WDR93: variants seen among roughly 807,000 people sequenced by gnomAD.
The protein encoded by WDR93 is WD repeat domain 93, also known as WD repeat-containing protein 93.
Under a neutral mutation model 82.9 loss-of-function variants are expected in WDR93, and 73 were observed. The ratio of observed to expected loss-of-function variants is 0.88; its 90% CI spans 0.73 to 1.07. WDR93 has a LOEUF of 1.07. Ranked by LOEUF, WDR93 falls within the 50% of genes least tolerant of loss-of-function variation. The pLI is 0.00. For synonymous variants in WDR93, 283 were observed against 300.1 expected (o/e 0.94, Z 0.59); for missense variants, 738 against 826.0 (o/e 0.89, Z 1.31).
intron 3 of WDR93, chr15:89,704,408 ACT>A (rs1488822560): frequency 2.6e-5 from 4 of 152,114 alleles, no homozygotes; most frequent in African/African-American, 4.8e-5. Flanking sequence ...ATACAAAGAA[ACT>A]CTGTACTATT....
In WDR93 at chr15:89,722,103, T is replaced by G. The variant is rs1966551454; in HGVS notation, c.844T>G (p.Tyr282Asp). ...AGACATTAAATTGAGTCTTCCAGTT[T>G]ACATAATGAAGATCAAACCACCTAA... ...KGDIKLSLPV[Y>D]IMKIKPPKPV... is the part of the protein sequence containing the mutation. The change falls in exon 8 of 17, where the codon TAC (tyrosine) becomes GAC (aspartate). Residue 282 changes from tyrosine to aspartate, a missense_variant. Coordinates refer to ENST00000268130, the MANE Select transcript of WDR93 (RefSeq NM_020212.2). 6.2e-7 allele frequency: 1 copy of G among 1,608,902 alleles called. No individual in the cohort carries two copies. The highest frequency in any genetic ancestry group is 1.3e-5 in the African/African-American group (1 of 74,734).
chr15:89,691,355 G>A (rs1567089128), intron 1 of WDR93, among the ~76,000 whole-genome samples: 1 of 152,210 alleles, frequency 6.6e-6, no homozygotes, highest in Non-Finnish European at 1.5e-5. Flanking sequence ...CATTCGTTCT[G>A]TGCGGCTTGA....
At chr15:89,709,159 G>A (rs769863149) in intron 4 of WDR93, among the ~76,000 whole-genome samples, 41 of 152,206 alleles carry the variant, frequency 2.7e-4, no homozygotes, top group Admixed American at 5.2e-4. Flanking sequence ...GGTCAGCAAT[G>A]AAGAGGAAAA....
At chr15:89,696,960 TTTG>T (rs1965209294) in intron 1 of WDR93, among the ~76,000 whole-genome samples, 1 of 151,554 alleles carries the variant, frequency 6.6e-6, no homozygotes, top group African/African-American at 2.4e-5. Context: ...GTATTGTCAG[TTTG>T]TTTGTTTGTT....
intron 6 of WDR93, 51 bp downstream of exon 6, chr15:89,715,146 C>G (rs769156805): frequency 6.6e-6 from 10 of 1,525,132 alleles, no homozygotes; most frequent in Non-Finnish European, 9.0e-6. Context: ...ACCCCTGACC[C>G]ACATCTAGCC....
At chr15:89,702,887 G>A in intron 2 of WDR93, 63 bp from the exon 3 acceptor site, 2 of 1,530,696 alleles carry the variant, frequency 1.3e-6, no homozygotes, top group South Asian at 2.4e-5. Context: ...TCTCTGAGAA[G>A]CTAACTCATA....
chr15:89,740,285 CAG>C (rs909964184), intron 16 of WDR93, among the ~76,000 whole-genome samples: 12 of 152,154 alleles, frequency 7.9e-5, no homozygotes, highest in African/African-American at 2.9e-4. Context: ...CTGCACTTAA[CAG>C]GGGCGTTCAA....
chr15:89,696,987 G>A (rs1965209988), intron 1 of WDR93, among the ~76,000 whole-genome samples: 1 of 138,292 alleles, frequency 7.2e-6, no homozygotes, highest in African/African-American at 2.7e-5. Context: ...TTGTTTTTTA[G>A]AGACAAAGTC....
In WDR93 at chr15:89,715,064, A is replaced by T; in HGVS notation, c.725A>T (p.Asn242Ile). 6.2e-7 allele frequency: 1 copy of T among 1,614,000 alleles called. No homozygotes were observed. The highest frequency in any genetic ancestry group is 8.5e-7 in the Non-Finnish European group (1 of 1,179,962). ...KKLEHPQLTS[N>I]PKKKVRQPQL... ...CTAGAGCACCCCCAACTCACTTCAA[A>T]TCCAAAGAAAAAAGTCAGACAGCCG... is the stretch of plus-strand genomic sequence containing the variant. Residue 242 changes from asparagine to isoleucine, a missense_variant, in exon 6 of 17, where the codon AAT becomes ATT. Physicochemically the swap from Asn to Ile is moderately radical, Grantham distance 149 (BLOSUM62 -3). Coordinates refer to ENST00000268130, the MANE Select transcript of WDR93 (RefSeq NM_020212.2).
At chr15:89,709,966 C>T (rs1377158661) in intron 4 of WDR93, among the ~76,000 whole-genome samples, 1 of 152,132 alleles carries the variant, frequency 6.6e-6, no homozygotes, top group Non-Finnish European at 1.5e-5. Flanking sequence ...CAAGACCATC[C>T]TGGCTAACAC....
rs1170109589 is a variant in WDR93, at chr15:89,712,396, C to CTTTTTTTTTTT, written c.640+305_640+315dup. 2.9e-4 allele frequency among the ~76,000 whole-genome samples: 23 copies of CTTTTTTTTTTT among 80,534 alleles called. 2 individuals are homozygous for CTTTTTTTTTTT. Among genetic ancestry groups the CTTTTTTTTTTT allele is most frequent in the African/African-American group, 4.4e-4 (8 of 18,224 alleles). The allele number at this position is 80,534 out of a possible 152,430, so 52.8% of individuals were successfully genotyped here. A position where few individuals can be genotyped will look rare whatever the true frequency, so the allele number is the denominator to read the frequency against. On this transcript the variant is annotated intron_variant, in intron 5 of 16. Coordinates refer to ENST00000268130, the MANE Select transcript of WDR93 (RefSeq NM_020212.2). The stretch of plus-strand genomic sequence containing the variant: ...GGATTTCACTAGTTTTTCCACTAAT[C>CTTTTTTTTTTT]TTTTTTTTTTTTTTTTTTTTTTTGC...
At chr15:89,718,939 C>T (rs992061313) in intron 7 of WDR93, among the ~76,000 whole-genome samples, 1 of 152,150 alleles carries the variant, frequency 6.6e-6, no homozygotes, top group Non-Finnish European at 1.5e-5. Flanking sequence ...TTTTCTAGAT[C>T]TTTAGTGTGT....
chr15:89,700,624 A>G (rs1965414219), intron 1 of WDR93, among the ~76,000 whole-genome samples: 1 of 145,456 alleles, frequency 6.9e-6, no homozygotes. Context: ...ATGCAGTGGC[A>G]CAATCTTAGC....
chr15:89,719,562 C>T (rs1966424614), intron 7 of WDR93: 1 of 152,116 alleles, frequency 6.6e-6, no homozygotes, highest in Admixed American at 6.6e-5. Flanking sequence ...GTGATGTCAT[C>T]CCTCTCATTC....
intron 8 of WDR93, among the ~76,000 whole-genome samples, chr15:89,726,468 G>C (rs1394709614): frequency 6.6e-6 from 1 of 152,210 alleles, no homozygotes; most frequent in African/African-American, 2.4e-5. Flanking sequence ...AGTTGTCTCT[G>C]AGGAAGCAGT....
At chr15:89,740,146 G>A (rs1174574360) in intron 16 of WDR93, among the ~76,000 whole-genome samples, 1 of 152,222 alleles carries the variant, frequency 6.6e-6, no homozygotes, top group Non-Finnish European at 1.5e-5. Context: ...CAGGCACAGA[G>A]TGGTTGCTCA....
rs571061236 is a variant in WDR93 at position 89,695,774 on chromosome 15, A to G, written c.-41+4917A>G. Among the ~76,000 whole-genome samples the G allele has an allele frequency of 2.0e-4, 30 of 151,230 alleles. No individual in the cohort carries two copies. In the South Asian group the frequency reaches 6.3e-3, roughly 32 times the overall value. On this transcript the variant is annotated intron_variant, in intron 1 of 16. Transcript: ENST00000268130. ...CTTTATGTTTTTCTTTCCACTGATG[A>G]AGTAGTTCCATCACTCCAAAAAACT...
Position 89,735,483 on chromosome 15 carries a change from C to T in WDR93, c.1545-7C>T, listed in dbSNP as rs1023125945. 3.7e-6 allele frequency: 6 copies of T among 1,613,964 alleles called. No individual in the cohort carries two copies. Among genetic ancestry groups the T allele is most frequent in the Non-Finnish European group, 4.2e-6 (5 of 1,179,912 alleles). ...AGGAGAATGTCTGTATATTTTCTGT[C>T]CTATAGGCCTGTAAAGCACCTGGAT... On this transcript the variant is annotated splice_region_variant and splice_polypyrimidine_tract_variant and intron_variant, in intron 13 of 16. Coordinates refer to ENST00000268130, the MANE Select transcript of WDR93 (RefSeq NM_020212.2).
In WDR93 at chr15:89,733,140, G is replaced by T. The variant is rs780812544; in HGVS notation, c.1465G>T (p.Val489Leu). ...AGTGAAATCCCAAATGAAATGTGTGGTGCTGTGCACAGACGCCTCCCTCCA... is the reference window on the plus strand; with the variant it reads ...AGTGAAATCCCAAATGAAATGTGTGTTGCTGTGCACAGACGCCTCCCTCCA... ...GQVKSQMKCV[V>L]LCTDASLHLV... The change falls in exon 13 of 17, where the codon GTG (valine) becomes TTG (leucine). Residue 489 changes from valine (V) to leucine (L), a missense_variant. Transcript: ENST00000268130. 5 of 1,614,048 alleles carry T rather than the reference G, an allele frequency of 3.1e-6. No homozygotes were observed. The highest frequency in any genetic ancestry group is 4.2e-6 in the Non-Finnish European group (5 of 1,180,022).
Sources: gnomAD v4.1 joint callset for allele counts (sites outside exome capture counted in the v4.1 genomes callset) on GRCh38, gnomAD v4.1.1 for gene constraint, MANE v1.5 for transcripts, NCBI Gene and HGNC (gene_info 2026-07-23, HGNC 2026-07-21) for gene names.